The following PEMT variants were observed in gnomAD, a reference collection of about 807,000 sequenced individuals.
PEMT encodes phospholipid methyltransferase.
PEMT carries 23 observed loss-of-function variants against 27.4 expected under a neutral mutation model. That is an observed-to-expected ratio of 0.84 (90% CI 0.60 to 1.19). The LOEUF is 1.19. PEMT is among the 50% of genes most tolerant of loss of function. The pLI, the probability that PEMT is intolerant of heterozygous loss-of-function variation, is 0.00. For missense variants in PEMT, 307 were observed against 310.1 expected (o/e 0.99, Z 0.07); for synonymous variants, 137 against 139.1 (o/e 0.98, Z 0.11).
chr17:17,582,792 G>A lies in PEMT; in HGVS notation c.97-5765C>T, dbSNP rs1466515549. Among the ~76,000 whole-genome samples the A allele has an allele frequency of 1.3e-5, 2 of 152,186 alleles. No individual in the cohort carries two copies. Among genetic ancestry groups the A allele is most frequent in the Admixed American group, 6.5e-5 (1 of 15,274 alleles). ...TAAGTTTATTCTCTGGGCCGGGCGCGATGGCTCACCCCCGTAATCCCAGCA... is the reference window on the plus strand; with the variant it reads ...TAAGTTTATTCTCTGGGCCGGGCGCAATGGCTCACCCCCGTAATCCCAGCA... On this transcript the variant is annotated intron_variant, in intron 1 of 6. Transcript: ENST00000255389. The surrounding 1 kb of genome is among the most constrained non-coding windows in gnomAD (Gnocchi z 4.9).
chr17:17,525,934 C>T (rs1907630071), intron 2 of PEMT, among the ~76,000 whole-genome samples: 1 of 152,200 alleles, frequency 6.6e-6, no homozygotes, highest in Non-Finnish European at 1.5e-5. Flanking sequence ...GCAGAGGTTG[C>T]AGTGAGCTGA....
chr17:17,508,364 TG>T, intron 5 of PEMT: 1 of 120,280 alleles, frequency 8.3e-6, no homozygotes, highest in South Asian at 1.8e-4. Context: ...GGCCTGGACG[TG>T]GGGTGGGGGT....
At chr17:17,563,818 C>A (rs1910649965) in intron 2 of PEMT, among the ~76,000 whole-genome samples, 1 of 152,174 alleles carries the variant, frequency 6.6e-6, no homozygotes, top group African/African-American at 2.4e-5. Context: ...CTAGGGCAGC[C>A]AGCTCCAGCA....
rs1905840141 is a variant in PEMT, at chr17:17,506,311, CA to C, written c.579-11del. 1 of 1,564,184 alleles carries C rather than the reference CA, an allele frequency of 6.4e-7. No homozygotes were observed. Among genetic ancestry groups the C allele is most frequent in the Non-Finnish European group, 8.7e-7 (1 of 1,153,548 alleles). The stretch of plus-strand genomic sequence containing the variant: ...CGTGGGGCTGGCGTGCCTGAAAGGA[CA>C]GAGGCAGGTCAGGCCTGGCTGGAGC... On this transcript the variant is annotated splice_polypyrimidine_tract_variant and intron_variant, in intron 5 of 6. Coordinates refer to ENST00000255389, the MANE Select transcript of PEMT (RefSeq NM_148172.3).
At chr17:17,524,600 CAA>C (rs35917481) in intron 2 of PEMT, among the ~76,000 whole-genome samples, 90 of 129,328 alleles carry the variant, frequency 7.0e-4, no homozygotes, top group East Asian at 9.0e-4. Context: ...CCTGTCTCTC[CAA>C]AAAAAAAAAA....
At position 17,546,394 on chromosome 17, in the gene PEMT, C is replaced by A. The variant is rs932292177; in HGVS notation, c.205-23999G>T. ...CAGGCAGAATCAAATGGCCTGAGCC[C>A]CTCCCAGGAGCAGCAGGGCTTTCTC... is the stretch of plus-strand genomic sequence containing the variant. On this transcript the variant is annotated intron_variant, in intron 2 of 6. Transcript: ENST00000255389. 2.0e-5 allele frequency among the ~76,000 whole-genome samples: 3 copies of A among 152,202 alleles called. No individual in the cohort carries two copies. In the South Asian group the frequency reaches 6.2e-4, roughly 32 times the overall value.
chr17:17,528,642 GTC>G (rs2142559398), intron 2 of PEMT, among the ~76,000 whole-genome samples: 1 of 152,332 alleles, frequency 6.6e-6, no homozygotes, highest in Non-Finnish European at 1.5e-5. Context: ...GCAGCAGGGA[GTC>G]TGCCCATGAC....
intron 2 of PEMT, among the ~76,000 whole-genome samples, chr17:17,571,490 G>A (rs1156765067): frequency 6.6e-6 from 1 of 152,054 alleles, no homozygotes; most frequent in Admixed American, 6.5e-5. Context: ...GGAGGGAGGG[G>A]TGGGAGCAGG....
At chr17:17,551,130 C>CTGT (rs908561289) in intron 2 of PEMT, among the ~76,000 whole-genome samples, 4 of 152,138 alleles carry the variant, frequency 2.6e-5, no homozygotes, top group African/African-American at 9.7e-5. Context: ...ACGTTAATTA[C>CTGT]TGTTGTTATT....
At chr17:17,510,014 T>C (rs1336925550) in intron 4 of PEMT, among the ~76,000 whole-genome samples, 3 of 152,160 alleles carry the variant, frequency 2.0e-5, no homozygotes, top group African/African-American at 2.4e-5. Context: ...TCTAGGGGCC[T>C]CAGCTGGTTG....
At chr17:17,541,217 C>T (rs1908859316) in intron 2 of PEMT, among the ~76,000 whole-genome samples, 1 of 152,222 alleles carries the variant, frequency 6.6e-6, no homozygotes, top group Non-Finnish European at 1.5e-5. Context: ...ATTACAGAAG[C>T]ACCCCATCCT....
Position 17,522,309 on chromosome 17 carries a change from G to C in PEMT, c.291C>G (p.Ile97Met). Residue 97 changes from isoleucine to methionine, a missense_variant, in exon 3 of 7, where the codon ATC becomes ATG. Coordinates refer to ENST00000255389, the MANE Select transcript of PEMT (RefSeq NM_148172.3). The stretch of plus-strand genomic sequence containing the variant: ...GCGAGCGCAGGAAGTTCAGGAGCAG[G>C]ATGGTGACGCTTAGAGAGTAGCAGG... ...YLACYSLSVT[I>M]LLLNFLRSHC... 6.2e-7 allele frequency: 1 copy of C among 1,613,826 alleles called. No homozygotes were observed. Among genetic ancestry groups the C allele is most frequent in the Non-Finnish European group, 8.5e-7 (1 of 1,179,708 alleles).
chr17:17,575,402 C>T (rs1597956655), intron 2 of PEMT, among the ~76,000 whole-genome samples: 1 of 152,256 alleles, frequency 6.6e-6, no homozygotes, highest in South Asian at 2.1e-4. Context: ...GAGACCTTCA[C>T]AGGATGTGGA....
chr17:17,543,867 C>T (rs1235010126), intron 2 of PEMT, among the ~76,000 whole-genome samples: 1 of 152,210 alleles, frequency 6.6e-6, no homozygotes, highest in Non-Finnish European at 1.5e-5. Flanking sequence ...CCAGCCAGCT[C>T]ATGCCTTTTT....
chr17:17,518,863 T>A (rs931427774), intron 3 of PEMT, among the ~76,000 whole-genome samples: 27 of 152,020 alleles, frequency 1.8e-4, no homozygotes, highest in Admixed American at 1.4e-3. Context: ...GGGCGGGAGA[T>A]GACTGCTCCA....
intron 2 of PEMT, among the ~76,000 whole-genome samples, chr17:17,526,343 G>A (rs1000754153): frequency 6.6e-6 from 1 of 152,250 alleles, no homozygotes; most frequent in East Asian, 1.9e-4. Flanking sequence ...CTTGACATTC[G>A]CCAAAAGCCG....
chr17:17,567,899 G>A (rs112637393), intron 2 of PEMT, among the ~76,000 whole-genome samples: 37 of 152,220 alleles, frequency 2.4e-4, no homozygotes, highest in African/African-American at 7.7e-4. Flanking sequence ...GACGCTTTCT[G>A]GTCCAGAAAC....
At chr17:17,571,704 G>A (rs1464914592) in intron 2 of PEMT, among the ~76,000 whole-genome samples, 10 of 121,920 alleles carry the variant, frequency 8.2e-5, no homozygotes, top group African/African-American at 3.2e-4. Flanking sequence ...AGTCTGTTTT[G>A]TTTTGGGTTT....
chr17:17,505,730 C>T lies in PEMT; in HGVS notation c.*61G>A. ...GGCACCATTCTCGCCCTGCGCAGGG[C>T]CTGCCACTTGGGGCAGGCCAGGAGG... On this transcript the variant is annotated 3_prime_UTR_variant, in exon 7 of 7. Transcript: ENST00000255389. The T allele has an allele frequency of 2.0e-6, 3 of 1,526,214 alleles. No individual in the cohort carries two copies. Among genetic ancestry groups the T allele is most frequent in the Non-Finnish European group, 2.6e-6 (3 of 1,136,732 alleles). The allele number at this position is 1,526,214 out of a possible 1,614,324, so 94.5% of individuals were successfully genotyped here.
Sources: gnomAD v4.1 joint callset for allele counts (sites outside exome capture counted in the v4.1 genomes callset) on GRCh38, gnomAD v4.1.1 for gene constraint, Gnocchi (gnomAD v3.1) non-coding constraint, MANE v1.5 for transcripts, NCBI Gene and HGNC (gene_info 2026-07-23, HGNC 2026-07-21) for gene names.